Variants in SLC25A26 observed in about 807,000 individuals in gnomAD.
The protein encoded by SLC25A26 is solute carrier family 25 member 26, also known as mitochondrial S-adenosylmethionine carrier protein.
Under a neutral mutation model 37.8 loss-of-function variants are expected in SLC25A26, and 36 were observed. The observed-to-expected ratio is 0.95, with a 90% CI of 0.73 to 1.26. The LOEUF is 1.26. Ranked by LOEUF, SLC25A26 falls within the 50% of genes most tolerant of loss-of-function variation. SLC25A26 has a pLI of 0.00. For missense variants in SLC25A26, 390 were observed against 331.1 expected (o/e 1.18, Z -1.38); for synonymous variants, 129 against 122.5 (o/e 1.05, Z -0.35).
intron 1 of SLC25A26, among the ~76,000 whole-genome samples, chr3:66,195,600 T>C (rs2071032835): frequency 6.6e-6 from 1 of 152,246 alleles, no homozygotes; most frequent in Non-Finnish European, 1.5e-5. Context: ...GTCTGGCTGA[T>C]GGGTGGTGCT....
chr3:66,239,169 C>CA (rs1369353901), intron 2 of SLC25A26, among the ~76,000 whole-genome samples: 4 of 152,288 alleles, frequency 2.6e-5, no homozygotes, highest in African/African-American at 9.6e-5. Flanking sequence ...TGGAAGCACT[C>CA]ATCTCCACCA....
intron 5 of SLC25A26, among the ~76,000 whole-genome samples, chr3:66,263,741 C>G (rs909398802): frequency 6.6e-6 from 1 of 152,104 alleles, no homozygotes; most frequent in African/African-American, 2.4e-5. Flanking sequence ...TCACTGCAAC[C>G]TCCGCCTCCC....
At chr3:66,342,351 A>G (rs1369864026) in intron 5 of SLC25A26, among the ~76,000 whole-genome samples, 1 of 152,158 alleles carries the variant, frequency 6.6e-6, no homozygotes, top group East Asian at 1.9e-4. Context: ...GGCTTCCTAG[A>G]TCACCCGTGG....
intron 5 of SLC25A26, among the ~76,000 whole-genome samples, chr3:66,312,895 C>T (rs191512604): frequency 1.3e-5 from 2 of 152,276 alleles, no homozygotes; most frequent in African/African-American, 4.8e-5. Flanking sequence ...AAATCACCCA[C>T]CTTCTGTTAT....
intron 1 of SLC25A26, among the ~76,000 whole-genome samples, chr3:66,163,819 A>C (rs570922735): frequency 3.9e-4 from 59 of 152,296 alleles, no homozygotes; most frequent in Non-Finnish European, 6.8e-4. Context: ...TTAATATCCT[A>C]ATAATCATTT....
At chr3:66,212,599 C>T (rs2071298912) in intron 1 of SLC25A26, among the ~76,000 whole-genome samples, 1 of 152,136 alleles carries the variant, frequency 6.6e-6, no homozygotes, top group African/African-American at 2.4e-5. Context: ...ATCCATTGAA[C>T]AATTCAATGA....
At chr3:66,196,773 C>G (rs1324719312) in intron 1 of SLC25A26, among the ~76,000 whole-genome samples, 12 of 152,132 alleles carry the variant, frequency 7.9e-5, no homozygotes, top group African/African-American at 2.9e-4. Context: ...AATCAACCAT[C>G]TACATTAATT....
chr3:66,315,683 G>T (rs755712539), intron 5 of SLC25A26, among the ~76,000 whole-genome samples: 19 of 152,050 alleles, frequency 1.2e-4, no homozygotes, highest in Non-Finnish European at 1.8e-4. Context: ...TTAATTTTCT[G>T]TCTCAATGGT....
Position 66,197,930 on chromosome 3 carries a change from A to T in SLC25A26, c.-353-22812A>T, listed in dbSNP as rs1030107299. On this transcript the variant is annotated intron_variant, in intron 1 of 10. Transcript: ENST00000676754. Reference sequence around the variant, plus strand: ...ATGAGGATCAGAGGAAGGGCCAAGGACAAGTGATGGTCATAGACAGGATCA... The same window carrying T: ...ATGAGGATCAGAGGAAGGGCCAAGGTCAAGTGATGGTCATAGACAGGATCA... 1.0e-3 allele frequency among the ~76,000 whole-genome samples: 158 copies of T among 152,246 alleles called. 5 individuals carry two copies. The highest frequency in any genetic ancestry group is 3.5e-3 in the African/African-American group (145 of 41,550).
Position 66,149,300 on chromosome 3 carries a change from T to C in SLC25A26, c.-354+15316T>C, listed in dbSNP as rs557824717. ...CCTAACTTTTTCACCCTGGACAGCC[T>C]TTTGGTGAATATTGCCAGCATGGAG... On this transcript the variant is annotated intron_variant, in intron 1 of 10. Transcript: ENST00000676754. Among the ~76,000 whole-genome samples, 10 of 152,242 alleles carry C rather than the reference T, an allele frequency of 6.6e-5. No individual in the cohort carries two copies. The South Asian group carries it at 1.5e-3, about 22-fold the overall frequency.
intron 1 of SLC25A26, among the ~76,000 whole-genome samples, chr3:66,185,698 A>T (rs1344158267): frequency 1.3e-5 from 2 of 151,932 alleles, no homozygotes; most frequent in Non-Finnish European, 2.9e-5. Context: ...CCATGTCCTT[A>T]CACTGTGCTA....
intron 9 of SLC25A26, among the ~76,000 whole-genome samples, chr3:66,371,970 G>A (rs186758055): frequency 6.6e-5 from 10 of 152,258 alleles, no homozygotes; most frequent in Middle Eastern, 3.4e-3. Context: ...GTGGTCGCAC[G>A]CACCTGTAGT....
chr3:66,358,276 G>A (rs2076622219), intron 6 of SLC25A26, among the ~76,000 whole-genome samples: 1 of 152,096 alleles, frequency 6.6e-6, no homozygotes, highest in Non-Finnish European at 1.5e-5. Context: ...GTTGTTTTAT[G>A]AGTTTAAGGT....
intron 3 of SLC25A26, among the ~76,000 whole-genome samples, chr3:66,249,301 A>G (rs1454361589): frequency 1.3e-5 from 2 of 152,210 alleles, no homozygotes; most frequent in Non-Finnish European, 2.9e-5. Context: ...AGTAACTGAC[A>G]AGGCCGTTGG....
intron 5 of SLC25A26, among the ~76,000 whole-genome samples, chr3:66,276,447 C>T (rs1481353985): frequency 1.3e-5 from 2 of 151,974 alleles, no homozygotes; most frequent in African/African-American, 4.8e-5. Flanking sequence ...CAAATCTTGA[C>T]CTGAGTGAGA....
chr3:66,324,220 G>A (rs1171444450), intron 5 of SLC25A26: 2 of 121,644 alleles, frequency 1.6e-5, no homozygotes, highest in Non-Finnish European at 3.4e-5. Context: ...GTGTGTGTGT[G>A]TGTGTGTGTA....
intron 9 of SLC25A26, among the ~76,000 whole-genome samples, chr3:66,373,807 A>G (rs779767636): frequency 2.6e-5 from 4 of 152,094 alleles, no homozygotes; most frequent in Non-Finnish European, 4.4e-5. Flanking sequence ...CTAGCTAACT[A>G]AAAAGGGCCC....
chr3:66,322,695 G>A (rs1024028958), intron 5 of SLC25A26, among the ~76,000 whole-genome samples: 1 of 152,208 alleles, frequency 6.6e-6, no homozygotes, highest in Non-Finnish European at 1.5e-5. Flanking sequence ...AGAATTTGAA[G>A]TTTTGTACAT....
chr3:66,203,987 G>A (rs2071141267), intron 1 of SLC25A26, among the ~76,000 whole-genome samples: 1 of 152,174 alleles, frequency 6.6e-6, no homozygotes, highest in East Asian at 1.9e-4. Flanking sequence ...ATAATGGAAA[G>A]AGGCAAAGAG....
Sources: allele counts gnomAD v4.1 joint callset (sites outside exome capture counted in the v4.1 genomes callset), GRCh38; gene constraint gnomAD v4.1.1; transcripts MANE v1.5; gene names NCBI Gene and HGNC (gene_info 2026-07-23, HGNC 2026-07-21).